KLHL29: variants seen among roughly 807,000 people sequenced by gnomAD.
KLHL29 encodes the protein kelch like family member 29, also known as kelch-like protein 29.
Under a neutral mutation model 80.4 loss-of-function variants are expected in KLHL29, and 21 were observed. The observed-to-expected ratio is 0.26, with a 90% CI of 0.19 to 0.38. KLHL29 has a LOEUF of 0.38. KLHL29 is among the 10% of genes least tolerant of loss of function. The pLI is 1.00. For missense variants in KLHL29, 867 were observed against 1,223.9 expected (o/e 0.71, Z 4.35); for synonymous variants, 511 against 526.8 (o/e 0.97, Z 0.41).
intron 2 of KLHL29, among the ~76,000 whole-genome samples, chr2:23,498,600 C>G (rs771324349): frequency 6.6e-5 from 10 of 152,236 alleles, no homozygotes; most frequent in Non-Finnish European, 1.0e-4. Context: ...CCAGCTTTCT[C>G]AGCGCCTTCG....
rs146448700 is a variant in KLHL29, at chr2:23,500,066, C to T, written c.-46+24399C>T. 8.5e-5 allele frequency among the ~76,000 whole-genome samples: 13 copies of T among 152,226 alleles called. No homozygotes were observed. The East Asian group carries it at 2.1e-3, about 25-fold the overall frequency. ...ACTGTACAGCAGGCCCTGTGCTGTC[C>T]GCCAGCAAGATAACAGTGAATGAAA... is the stretch of plus-strand genomic sequence containing the variant. On this transcript the variant is annotated intron_variant, in intron 2 of 13. Transcript: ENST00000486442.
At chr2:23,583,580 C>T (rs913047789) in intron 3 of KLHL29, among the ~76,000 whole-genome samples, 1 of 152,200 alleles carries the variant, frequency 6.6e-6, no homozygotes, top group East Asian at 1.9e-4. Flanking sequence ...GAGCTGGGTG[C>T]GTCATTTACG....
At chr2:23,513,970 A>G (rs1432358143) in intron 2 of KLHL29, among the ~76,000 whole-genome samples, 2 of 152,206 alleles carry the variant, frequency 1.3e-5, no homozygotes, top group African/African-American at 4.8e-5. Context: ...AAACAAGAAT[A>G]ACCAAATCTT....
chr2:23,533,893 C>A (rs896888420), intron 2 of KLHL29, among the ~76,000 whole-genome samples: 1 of 151,740 alleles, frequency 6.6e-6, no homozygotes, highest in African/African-American at 2.4e-5. Flanking sequence ...CTAATTAACT[C>A]CCTTTATTTT....
intron 5 of KLHL29, among the ~76,000 whole-genome samples, chr2:23,656,283 C>T (rs2149166680): frequency 6.6e-6 from 1 of 152,286 alleles, no homozygotes; most frequent in Non-Finnish European, 1.5e-5. Flanking sequence ...GAGATGCTGG[C>T]CCGGAGGAGG....
At chr2:23,498,683 T>C (rs1665344064) in intron 2 of KLHL29, among the ~76,000 whole-genome samples, 1 of 152,262 alleles carries the variant, frequency 6.6e-6, no homozygotes, top group African/African-American at 2.4e-5. Context: ...TCCTATACTG[T>C]GCTGGCAAGT....
At chr2:23,649,665 G>T (rs1353026695) in intron 5 of KLHL29, among the ~76,000 whole-genome samples, 1 of 152,228 alleles carries the variant, frequency 6.6e-6, no homozygotes, top group African/African-American at 2.4e-5. Context: ...CATCTTCAAG[G>T]TCAGAAGCCC....
At chr2:23,650,368 C>T (rs755684861) in intron 5 of KLHL29, among the ~76,000 whole-genome samples, 6 of 152,008 alleles carry the variant, frequency 3.9e-5, no homozygotes, top group Non-Finnish European at 7.4e-5. Context: ...CACACACACA[C>T]GTGTGCACAC....
chr2:23,688,556 C>T (rs1344373494), intron 6 of KLHL29, among the ~76,000 whole-genome samples: 1 of 152,168 alleles, frequency 6.6e-6, no homozygotes. Context: ...CATTCCTCTG[C>T]TGAGCAGAGG....
chr2:23,461,038 T>C (rs1664194364), intron 1 of KLHL29, among the ~76,000 whole-genome samples: 1 of 152,252 alleles, frequency 6.6e-6, no homozygotes, highest in African/African-American at 2.4e-5. Context: ...ACCAGATTGG[T>C]GTCTTAGAAA....
chr2:23,649,699 A>G (rs886597391), intron 5 of KLHL29, among the ~76,000 whole-genome samples: 10 of 152,240 alleles, frequency 6.6e-5, no homozygotes, highest in Non-Finnish European at 1.3e-4. Flanking sequence ...GTTGTCTGAC[A>G]GGGCCAGAGG....
At chr2:23,476,755 A>C (rs1664652514) in intron 2 of KLHL29, among the ~76,000 whole-genome samples, 1 of 152,222 alleles carries the variant, frequency 6.6e-6, no homozygotes, top group Non-Finnish European at 1.5e-5. Flanking sequence ...AAATTTTTAG[A>C]GTCCTAGCTT....
At chr2:23,421,012 G>A (rs915008601) in intron 1 of KLHL29, among the ~76,000 whole-genome samples, 1 of 152,074 alleles carries the variant, frequency 6.6e-6, no homozygotes, top group African/African-American at 2.4e-5. Flanking sequence ...TAACATCTTC[G>A]CACACTAGTC....
At chr2:23,494,742 C>T (rs1665207363) in intron 2 of KLHL29, among the ~76,000 whole-genome samples, 1 of 148,612 alleles carries the variant, frequency 6.7e-6, no homozygotes, top group African/African-American at 2.5e-5. Context: ...CGGCTTCCAT[C>T]TGGTCCAGGA....
Position 23,631,981 on chromosome 2 carries a change from C to G in KLHL29, c.286-7158C>G, listed in dbSNP as rs546906138. Reference sequence around the variant, plus strand: ...TCCCCAGAGTGAGGTCCATGGAGTACCTGCCGAGCATCCCCTGTAGGTTTA... The same window carrying G: ...TCCCCAGAGTGAGGTCCATGGAGTAGCTGCCGAGCATCCCCTGTAGGTTTA... On this transcript the variant is annotated intron_variant, in intron 3 of 13. Coordinates refer to ENST00000486442, the MANE Select transcript of KLHL29 (RefSeq NM_052920.2). 2.6e-5 allele frequency among the ~76,000 whole-genome samples: 4 copies of G among 152,276 alleles called. No homozygotes were observed. In the South Asian group the frequency reaches 6.2e-4, roughly 24 times the overall value.
At chr2:23,614,075 G>A (rs1001340247) in intron 3 of KLHL29, among the ~76,000 whole-genome samples, 1 of 152,138 alleles carries the variant, frequency 6.6e-6, no homozygotes, top group Non-Finnish European at 1.5e-5. Flanking sequence ...CGTATCTGAC[G>A]GCCTCCTTTG....
chr2:23,397,017 C>T (rs1410710897), intron 1 of KLHL29, among the ~76,000 whole-genome samples: 3 of 152,154 alleles, frequency 2.0e-5, no homozygotes, highest in Admixed American at 6.5e-5. Context: ...CCCCAGGTGT[C>T]TGACAAGGTC....
At chr2:23,685,988 CCCTCGGATGGCTTT>C (rs1671241273) in intron 6 of KLHL29, among the ~76,000 whole-genome samples, 1 of 152,200 alleles carries the variant, frequency 6.6e-6, no homozygotes, top group Admixed American at 6.5e-5. Flanking sequence ...GAGCACAGGG[CCCTCGGATGGCTTT>C]CAGAGACCGC....
intron 5 of KLHL29, among the ~76,000 whole-genome samples, chr2:23,657,820 G>C (rs1275643768): frequency 6.6e-6 from 1 of 152,204 alleles, no homozygotes; most frequent in Non-Finnish European, 1.5e-5. Context: ...TCACCGGGAT[G>C]TATTTGCTGA....
Sources: gnomAD v4.1 joint callset for allele counts (sites outside exome capture counted in the v4.1 genomes callset) on GRCh38, gnomAD v4.1.1 for gene constraint, MANE v1.5 for transcripts, NCBI Gene and HGNC (gene_info 2026-07-23, HGNC 2026-07-21) for gene names.